Variants in SLC9B1 observed in about 807,000 individuals in gnomAD.
The protein encoded by SLC9B1 is solute carrier family 9 member B1.
Under a neutral mutation model 51.7 loss-of-function variants are expected in SLC9B1, and 32 were observed. That is an observed-to-expected ratio of 0.62 (90% confidence interval 0.47 to 0.83). The LOEUF (loss-of-function observed/expected upper bound fraction) is 0.83, where lower values mean the gene tolerates loss of function less well. Ranked by LOEUF, SLC9B1 falls within the 40% of genes least tolerant of loss-of-function variation. The pLI, the probability that SLC9B1 is intolerant of heterozygous loss-of-function variation, is 0.00. For synonymous variants in SLC9B1, 145 were observed against 212.7 expected (o/e 0.68, Z 2.77); for missense variants, 406 against 613.2 (o/e 0.66, Z 3.57).
intron 6 of SLC9B1, among the ~76,000 whole-genome samples, chr4:102,943,078 C>T (rs981135788): frequency 2.0e-5 from 3 of 151,510 alleles, no homozygotes; most frequent in Admixed American, 2.0e-4. Flanking sequence ...TGAAAAAATC[C>T]TCAATATCAC....
chr4:102,979,462 T>A (rs1456665218), intron 3 of SLC9B1, among the ~76,000 whole-genome samples: 2 of 152,186 alleles, frequency 1.3e-5, no homozygotes, highest in South Asian at 2.1e-4. Flanking sequence ...AGTCTGCTCA[T>A]GATAGTGTTT....
In SLC9B1 at chr4:102,912,587, TA is replaced by T. The variant is rs1320501877; in HGVS notation, c.830-1051del. Reference sequence around the variant, plus strand: ...GTATATTTTTAGACATATTTTCTACTAAATATAACAGGCAGGGCATGGTGGG... The same window carrying T: ...GTATATTTTTAGACATATTTTCTACTAATATAACAGGCAGGGCATGGTGGG... On this transcript the variant is annotated intron_variant, in intron 7 of 11. Transcript: ENST00000296422. 3.3e-5 allele frequency among the ~76,000 whole-genome samples: 5 copies of T among 152,162 alleles called. No individual in the cohort carries two copies. In the East Asian group the frequency reaches 9.6e-4, roughly 29 times the overall value.
At chr4:102,887,300 A>G (rs975439257) in intron 11 of SLC9B1, 4 of 1,144,432 alleles carry the variant, frequency 3.5e-6, no homozygotes, top group Non-Finnish European at 5.3e-6. Context: ...CTAATGAATC[A>G]TATTTTAAAA....
chr4:102,921,243 T>C (rs1735859816), intron 7 of SLC9B1, among the ~76,000 whole-genome samples: 1 of 152,294 alleles, frequency 6.6e-6, no homozygotes. Context: ...CAGAAGTAAG[T>C]AGGGGCCAAT....
At chr4:102,910,627 A>C in intron 8 of SLC9B1, 39 bp from the exon 9 acceptor site, 3 of 898,370 alleles carry the variant, frequency 3.3e-6, no homozygotes, top group Non-Finnish European at 4.5e-6. Flanking sequence ...GTTTATATTA[A>C]ATATATAATA....
chr4:102,969,604 C>T (rs1347548086), intron 3 of SLC9B1, among the ~76,000 whole-genome samples: 4 of 152,152 alleles, frequency 2.6e-5, no homozygotes, highest in African/African-American at 9.7e-5. Context: ...GAGCTCCTCG[C>T]CAGCAATGGA....
intron 1 of SLC9B1, among the ~76,000 whole-genome samples, chr4:103,013,592 A>G (rs1055645070): frequency 6.6e-6 from 1 of 152,222 alleles, no homozygotes; most frequent in Non-Finnish European, 1.5e-5. Context: ...GATTCTATTT[A>G]GTATATCTAA....
At chr4:102,943,142 CAAGAATA>C (rs1271300896) in intron 6 of SLC9B1, among the ~76,000 whole-genome samples, 1 of 141,914 alleles carries the variant, frequency 7.0e-6, no homozygotes, top group Non-Finnish European at 1.5e-5. Context: ...CTCACTCCTC[CAAGAATA>C]GCCATAATCA....
chr4:102,962,418 G>C lies in SLC9B1; in HGVS notation c.212-12991C>G, dbSNP rs539415218. On this transcript the variant is annotated intron_variant, in intron 3 of 11. Transcript: ENST00000296422. Reference sequence around the variant, plus strand: ...AATCTGAGGACCATTATTTTTTAATGACAGAACTTCCACTGAATACACTAG... The same window carrying C: ...AATCTGAGGACCATTATTTTTTAATCACAGAACTTCCACTGAATACACTAG... The C allele has an allele frequency of 1.4e-4, 76 of 529,788 alleles. No homozygotes were observed. In the East Asian group the frequency reaches 2.1e-3, roughly 15 times the overall value. 32.8% of individuals were successfully genotyped at this position (529,788 alleles called of 1,614,324 possible). A position where few individuals can be genotyped will look rare whatever the true frequency, so the allele number is the denominator to read the frequency against.
chr4:103,012,119 T>C lies in SLC9B1; in HGVS notation c.-2+7480A>G, dbSNP rs115657673. On this transcript the variant is annotated intron_variant, in intron 1 of 11. Coordinates refer to ENST00000296422, the MANE Select transcript of SLC9B1 (RefSeq NM_139173.4). ...TTTTGATTATAAATTCCATCTTGAA[T>C]TAATTTTTCTCTTTTTGTCCAGTAT... is the stretch of plus-strand genomic sequence containing the variant. Among the ~76,000 whole-genome samples the C allele has an allele frequency of 4.5e-3, 680 of 152,332 alleles. 9 individuals are homozygous for C. The highest frequency in any genetic ancestry group is 0.016 in the African/African-American group (658 of 41,550).
chr4:102,989,811 A>C lies in SLC9B1; in HGVS notation c.200T>G (p.Ile67Ser), dbSNP rs780900230. Reference sequence around the variant, plus strand: ...TTTGTTTCACATACCATTTGTAATAATTACATTCAATACTCCTCTTAGAGG... The same window carrying C: ...TTTGTTTCACATACCATTTGTAATACTTACATTCAATACTCCTCTTAGAGG... ...SCPLRGVLNV[I>S]ITNGVILFVI... Residue 67 changes from isoleucine to serine, a missense_variant, in exon 3 of 12, where the codon ATT (isoleucine) becomes AGT (serine). By Grantham distance (142) the Ile-to-Ser change is moderately radical. Around this residue, in one of 6 missense-constraint regions of SLC9B1, gnomAD observed 108 missense variants for 94.5 expected, o/e 1.14. Transcript: ENST00000296422. 3 of 1,574,890 alleles carry C rather than the reference A, an allele frequency of 1.9e-6. No individual in the cohort carries two copies. The South Asian group carries it at 3.5e-5, about 18-fold the overall frequency.
At chr4:102,956,144 T>C (rs754828644) in intron 3 of SLC9B1, among the ~76,000 whole-genome samples, 2 of 152,200 alleles carry the variant, frequency 1.3e-5, no homozygotes, top group African/African-American at 4.8e-5. Context: ...GCACATGTGC[T>C]GTCAAAATTT....
intron 3 of SLC9B1, among the ~76,000 whole-genome samples, chr4:102,986,513 G>A (rs1416101190): frequency 2.0e-5 from 3 of 152,054 alleles, no homozygotes; most frequent in African/African-American, 7.2e-5. Context: ...CTTGGTGCTT[G>A]ACATTCATTT....
intron 1 of SLC9B1, among the ~76,000 whole-genome samples, chr4:103,002,679 A>C (rs2110531464): frequency 6.6e-6 from 1 of 152,334 alleles, no homozygotes; most frequent in African/African-American, 2.4e-5. Flanking sequence ...ATCAATTACA[A>C]AGCTGTTCAG....
chr4:102,982,528 A>G (rs1012581174), intron 3 of SLC9B1, among the ~76,000 whole-genome samples: 1 of 152,124 alleles, frequency 6.6e-6, no homozygotes, highest in Admixed American at 6.6e-5. Context: ...TGAACATAAA[A>G]TATTTCTCAA....
intron 1 of SLC9B1, among the ~76,000 whole-genome samples, chr4:103,014,096 G>C (rs1472451171): frequency 6.6e-6 from 1 of 152,120 alleles, no homozygotes; most frequent in East Asian, 1.9e-4. Flanking sequence ...TCAGCTTATA[G>C]GGTCCTTTGA....
chr4:102,954,045 G>A (rs1373159553), intron 3 of SLC9B1, among the ~76,000 whole-genome samples: 3 of 46,552 alleles, frequency 6.4e-5, no homozygotes, highest in African/African-American at 3.2e-4. Context: ...TCCCTGTCTT[G>A]TGCTGGTTTT....
At chr4:102,917,974 C>T (rs1735666411) in intron 7 of SLC9B1, among the ~76,000 whole-genome samples, 1 of 148,486 alleles carries the variant, frequency 6.7e-6, no homozygotes, top group Non-Finnish European at 1.5e-5. Flanking sequence ...GAGGCTGAGG[C>T]AGGAGAGTCA....
rs749924172 is a variant in SLC9B1, at chr4:102,984,638, T to G, written c.211+5162A>C. 2.0e-5 allele frequency among the ~76,000 whole-genome samples: 3 copies of G among 152,322 alleles called. No individual in the cohort carries two copies. In the South Asian group the frequency reaches 6.2e-4, roughly 32 times the overall value. ...AGTCTGTCTTGGTGAATGTTCCATATTAGCCGGAGCAGAATTTGTATTTTG... is the reference window on the plus strand; with the variant it reads ...AGTCTGTCTTGGTGAATGTTCCATAGTAGCCGGAGCAGAATTTGTATTTTG... On this transcript the variant is annotated intron_variant, in intron 3 of 11. Coordinates refer to ENST00000296422, the MANE Select transcript of SLC9B1 (RefSeq NM_139173.4).
Sources: gnomAD v4.1 joint callset for allele counts (sites outside exome capture counted in the v4.1 genomes callset) on GRCh38, gnomAD v4.1.1 for gene constraint, gnomAD v4.1.1 regional missense constraint, MANE v1.5 for transcripts, NCBI Gene and HGNC (gene_info 2026-07-23, HGNC 2026-07-21) for gene names.